The following ANKZF1 variants were observed in gnomAD, a reference collection of about 807,000 sequenced individuals.
The protein encoded by ANKZF1 is ankyrin repeat and zinc finger peptidyl tRNA hydrolase 1.
ANKZF1 carries 84 observed loss-of-function variants against 86.0 expected under a neutral mutation model. The observed-to-expected ratio is 0.98, with a 90% CI of 0.82 to 1.17. The LOEUF is 1.17. Among genes scored for constraint, ANKZF1 ranks in the 50% most tolerant of loss-of-function variants. ANKZF1 has a pLI of 0.00. For missense variants in ANKZF1, 893 were observed against 918.4 expected (o/e 0.97, Z 0.36); for synonymous variants, 331 against 354.2 (o/e 0.93, Z 0.74).
At chr2:219,232,930 C>T (rs1335627620) in intron 5 of ANKZF1, 149 bp from the exon 6 acceptor site, 15 of 893,876 alleles carry the variant, frequency 1.7e-5, no homozygotes, top group Admixed American at 7.0e-5. Context: ...TTGACTGCCT[C>T]GCCAAGCCTC....
rs1951166848 is a variant in ANKZF1 at position 219,235,121 on chromosome 2, T to TGCTTGCC, written c.1502_1508dup (p.Ala504LeufsTer21). The TGCTTGCC allele has an allele frequency of 3.7e-6, 6 of 1,614,244 alleles. No individual in the cohort carries two copies. The highest frequency in any genetic ancestry group is 5.1e-6 in the Non-Finnish European group (6 of 1,180,042). On this transcript the variant is annotated frameshift_variant, in exon 10 of 14. Transcript: ENST00000323348. LOFTEE classifies it high-confidence loss of function. The stretch of plus-strand genomic sequence containing the variant: ...CAGAGCTCTGGAATGCACTGCTTGC[T>TGCTTGCC]GCTTGCCGAGCTGGAGATGTTGGAG...
chr2:219,235,576 C>T lies in ANKZF1; in HGVS notation c.1794C>T (p.Asn598=). ...MEKNPDAYDY[N]KAQVPGPLTP... ...AGAATCCAGATGCCTACGATTACAA[C>T]AAGGCTCAGGTCATCTGGAATAGGA... The change falls in exon 11 of 14, where the codon AAC becomes AAT. Residue 598 remains asparagine (N), a synonymous_variant. Transcript: ENST00000323348. 1 of 1,613,920 alleles carries T rather than the reference C, an allele frequency of 6.2e-7. No homozygotes were observed. Among genetic ancestry groups the T allele is most frequent in the Non-Finnish European group, 8.5e-7 (1 of 1,179,972 alleles).
rs762778877 is a variant in ANKZF1, at chr2:219,230,268, C to T, written c.11C>T (p.Ala4Val). Residue 4 changes from alanine to valine, a missense_variant, in exon 2 of 14, where the codon GCT becomes GTT. Coordinates refer to ENST00000323348, the MANE Select transcript of ANKZF1 (RefSeq NM_018089.3). ...AATTTCTGCTCAGCCATGTCGCCGGCTCCAGATGCAGCCCCGGCTCCTGCG... is the reference window on the plus strand; with the variant it reads ...AATTTCTGCTCAGCCATGTCGCCGGTTCCAGATGCAGCCCCGGCTCCTGCG... MSP[A>V]PDAAPAPASI... 1 of 1,613,410 alleles carries T rather than the reference C, an allele frequency of 6.2e-7. No individual in the cohort carries two copies. The highest frequency in any genetic ancestry group is 8.5e-7 in the Non-Finnish European group (1 of 1,179,464).
Position 219,235,107 on chromosome 2 carries a change from A to G in ANKZF1, c.1486A>G (p.Asn496Asp). 2.5e-6 allele frequency: 4 copies of G among 1,614,178 alleles called. No individual in the cohort carries two copies. The highest frequency in any genetic ancestry group is 2.5e-6 in the Non-Finnish European group (3 of 1,180,034). Residue 496 changes from asparagine (N) to aspartate (D), a missense_variant, in exon 10 of 14, where the codon AAT becomes GAT. By Grantham distance (23) the Asn-to-Asp change is conservative. Coordinates refer to ENST00000323348, the MANE Select transcript of ANKZF1 (RefSeq NM_018089.3). The part of the protein sequence containing the change: ...AKAPGQPELW[N>D]ALLAACRAGD... Reference sequence around the variant, plus strand: ...AGCCCCTGGTCAGCCAGAGCTCTGGAATGCACTGCTTGCTGCTTGCCGAGC... The same window carrying G: ...AGCCCCTGGTCAGCCAGAGCTCTGGGATGCACTGCTTGCTGCTTGCCGAGC...
rs1951153071 is a variant in ANKZF1, at chr2:219,234,778, C to T, written c.1205-48C>T. ...TTCATTCTTATGCATCTGCTTCTAC[C>T]CTCTGAGTACTCCCTAGATGGATTT... On this transcript the variant is annotated intron_variant, in intron 9 of 13. Transcript: ENST00000323348. 1.7e-5 allele frequency: 26 copies of T among 1,549,546 alleles called. No individual in the cohort carries two copies. In the East Asian group the frequency reaches 3.6e-4, roughly 22 times the overall value.
In ANKZF1 at chr2:219,230,279, G is replaced by A. The variant is rs761483339; in HGVS notation, c.22G>A (p.Ala8Thr). The A allele has an allele frequency of 6.2e-7, 1 of 1,613,792 alleles. No individual in the cohort carries two copies. The highest frequency in any genetic ancestry group is 2.2e-5 in the East Asian group (1 of 44,850). Residue 8 changes from alanine (A) to threonine (T), a missense_variant, in exon 2 of 14, where the codon GCC becomes ACC. Ala to Thr is a moderately conservative substitution (Grantham distance 58, BLOSUM62 0). Coordinates refer to ENST00000323348, the MANE Select transcript of ANKZF1 (RefSeq NM_018089.3). MSPAPDAAPAPASISLFD... is the reference protein window; with the variant it reads MSPAPDATPAPASISLFD... The stretch of plus-strand genomic sequence containing the variant: ...AGCCATGTCGCCGGCTCCAGATGCA[G>A]CCCCGGCTCCTGCGTCGATCTCCCT...
In ANKZF1 at chr2:219,235,236, C is replaced by T. The variant is rs747150991; in HGVS notation, c.1615C>T (p.Leu539=). 6 of 1,613,380 alleles carry T rather than the reference C, an allele frequency of 3.7e-6. No individual in the cohort carries two copies. The Admixed American group carries it at 6.7e-5, about 18-fold the overall frequency. ...CTTGGGCTCCGGTGGCTTTACTCTC[C>T]TGCATGCAGCAGCTGCAGCTGGAAG... The part of the protein sequence containing the change: ...APLGSGGFTL[L]HAAAAAGRGS... Residue 539 remains leucine (L), a synonymous_variant, in exon 10 of 14, where the codon CTG becomes TTG. Coordinates refer to ENST00000323348, the MANE Select transcript of ANKZF1 (RefSeq NM_018089.3).
At chr2:219,232,218 G>A (rs755011786) in intron 3 of ANKZF1, 42 bp from the exon 4 acceptor site, 1 of 1,593,320 alleles carries the variant, frequency 6.3e-7, no homozygotes, top group South Asian at 1.1e-5. Context: ...GCCAGGCTGG[G>A]GCATATTTCC....
intron 7 of ANKZF1, 72 bp downstream of exon 7, chr2:219,233,505 A>G: frequency 6.7e-7 from 1 of 1,490,182 alleles, no homozygotes; most frequent in Non-Finnish European, 8.9e-7. Flanking sequence ...CTCACTGTTA[A>G]GTAGGGAGGT....
At chr2:219,234,356 A>G in intron 9 of ANKZF1, 68 bp downstream of exon 9, 2 of 1,590,798 alleles carry the variant, frequency 1.3e-6, no homozygotes, top group Non-Finnish European at 1.7e-6. Context: ...CAAATTCCCT[A>G]CTCTCATAAC....
chr2:219,236,438 C>T lies in ANKZF1; in HGVS notation c.2174C>T (p.Ser725Phe). The T allele has an allele frequency of 6.2e-7, 1 of 1,601,978 alleles. No homozygotes were observed. Among genetic ancestry groups the T allele is most frequent in the Non-Finnish European group, 8.5e-7 (1 of 1,173,266 alleles). Residue 725 changes from serine (S) to phenylalanine (F), a missense_variant, in exon 14 of 14, where the codon TCT (serine) becomes TTT (phenylalanine). By Grantham distance (155) the Ser-to-Phe change is radical (BLOSUM62 -2). Coordinates refer to ENST00000323348, the MANE Select transcript of ANKZF1 (RefSeq NM_018089.3). ...QDHRRQAGRP[S>F]S ...CATCGCCGTCAGGCAGGGAGGCCCTCTTCCTGATCTCTTACAGCTCTACCT... is the reference window on the plus strand; with the variant it reads ...CATCGCCGTCAGGCAGGGAGGCCCTTTTCCTGATCTCTTACAGCTCTACCT...
chr2:219,230,770 G>T (rs1473550694), intron 2 of ANKZF1: 1 of 161,598 alleles, frequency 6.2e-6, no homozygotes, highest in Non-Finnish European at 1.4e-5. Context: ...TGAGAGTCTC[G>T]CTCTGTCGCC....
intron 10 of ANKZF1, 71 bp downstream of exon 10, chr2:219,235,383 G>A: frequency 6.3e-7 from 1 of 1,596,786 alleles, no homozygotes; most frequent in East Asian, 2.2e-5. Context: ...AGTTGGCATT[G>A]GCTACTTGGC....
rs761944759 is a variant in ANKZF1, at chr2:219,234,114, ATCTTT to A, written c.1049-12_1049-8del. On this transcript the variant is annotated splice_polypyrimidine_tract_variant and intron_variant, in intron 8 of 13. Coordinates refer to ENST00000323348, the MANE Select transcript of ANKZF1 (RefSeq NM_018089.3). Reference sequence around the variant, plus strand: ...TTCTCCTCAGCTAAGGTTGAGAAAGATCTTTTCTTTTATGGCAGAAGAAGACCCTC... The same window carrying A: ...TTCTCCTCAGCTAAGGTTGAGAAAGATCTTTTATGGCAGAAGAAGACCCTC... 10 of 1,603,328 alleles carry A rather than the reference ATCTTT, an allele frequency of 6.2e-6. No individual in the cohort carries two copies. The highest frequency in any genetic ancestry group is 1.4e-5 in the African/African-American group (1 of 74,002).
At position 219,232,594 on chromosome 2, in the gene ANKZF1, C is replaced by A; in HGVS notation, c.469C>A (p.Pro157Thr). Residue 157 changes from proline (P) to threonine (T), a missense_variant, in exon 5 of 14, where the codon CCC (proline) becomes ACC (threonine). Pro to Thr is a conservative substitution (Grantham distance 38). Transcript: ENST00000323348. ...GGCTACATTTGAGAAGTTGAGCCGA[C>A]CCCCAGGCTTTTACCCTCATCGAGT... ...ERATFEKLSR[P>T]PGFYPHRVLF... 6.2e-7 allele frequency: 1 copy of A among 1,614,164 alleles called. No homozygotes were observed. The highest frequency in any genetic ancestry group is 8.5e-7 in the Non-Finnish European group (1 of 1,180,030).
rs373425242 is a variant in ANKZF1 at position 219,230,405 on chromosome 2, G to A, written c.148G>A (p.Gly50Ser). 9 of 1,604,798 alleles carry A rather than the reference G, an allele frequency of 5.6e-6. No individual in the cohort carries two copies. The highest frequency in any genetic ancestry group is 1.1e-5 in the South Asian group (1 of 90,538). ...CCGGGCTCCGCGTACTTCCTGTTCA[G>A]GTATCCTGGAAGGTTTCGTGTGAAA... The part of the protein sequence containing the change: ...LARAPRTSCS[G>S]SGERESPERK... Residue 50 changes from glycine to serine, a missense_variant and splice_region_variant, in exon 2 of 14, where the codon GGC becomes AGC. Physicochemically the swap from Gly to Ser is moderately conservative, Grantham distance 56. Transcript: ENST00000323348.
chr2:219,236,324 G>A lies in ANKZF1; in HGVS notation c.2060G>A (p.Arg687His), dbSNP rs368419834. The A allele has an allele frequency of 2.7e-5, 43 of 1,613,996 alleles. No homozygotes were observed. Among genetic ancestry groups the A allele is most frequent in the South Asian group, 2.6e-4 (24 of 91,078 alleles). The stretch of plus-strand genomic sequence containing the variant: ...CCATTTTTCTTCCTCTTGTTCAGAC[G>A]CTGCTGGAGTTGTGGGGCATCCCTC... Reference protein sequence around the residue: ...IPDSAIVNTRRCWSCGASLQG... With the variant: ...IPDSAIVNTRHCWSCGASLQG... The change falls in exon 14 of 14, where the codon CGC becomes CAC. Residue 687 changes from arginine (R) to histidine (H), a missense_variant and splice_region_variant. Arg to His is a conservative substitution (Grantham distance 29). Coordinates refer to ENST00000323348, the MANE Select transcript of ANKZF1 (RefSeq NM_018089.3).
At chr2:219,232,990 AATGAG>A (rs1389174245) in intron 5 of ANKZF1, 84 bp from the exon 6 acceptor site, 18 of 1,242,714 alleles carry the variant, frequency 1.4e-5, no homozygotes, top group Non-Finnish European at 2.0e-5. Flanking sequence ...GGTAATATTA[AATGAG>A]ATAATGTTTG....
chr2:219,235,729 G>C lies in ANKZF1; in HGVS notation c.1825G>C (p.Glu609Gln). ...KAQVPGPLTP[E>Q]MEARQATRKR... ...CCAGGTGCCAGGACCATTGACACCA[G>C]AAATGGAGGCACGGCAGGCTACACG... is the stretch of plus-strand genomic sequence containing the variant. Residue 609 changes from glutamate (E) to glutamine (Q), a missense_variant, in exon 12 of 14, where the codon GAA (glutamate) becomes CAA (glutamine). Physicochemically the swap from Glu to Gln is conservative, Grantham distance 29. Coordinates refer to ENST00000323348, the MANE Select transcript of ANKZF1 (RefSeq NM_018089.3). The C allele has an allele frequency of 6.2e-7, 1 of 1,614,158 alleles. No homozygotes were observed. Among genetic ancestry groups the C allele is most frequent in the Non-Finnish European group, 8.5e-7 (1 of 1,180,028 alleles).
Sources: allele counts gnomAD v4.1 joint callset, GRCh38; gene constraint gnomAD v4.1.1; transcripts MANE v1.5; gene names NCBI Gene and HGNC (gene_info 2026-07-23, HGNC 2026-07-21).